The following CDH23 variants were observed in gnomAD, a reference collection of about 807,000 sequenced individuals.
CDH23 encodes the protein cadherin-23.
In CDH23, 189 loss-of-function variants were observed where a neutral mutation model predicts 317.1. The ratio of observed to expected loss-of-function variants is 0.60; its 90% CI spans 0.53 to 0.67. The LOEUF (loss-of-function observed/expected upper bound fraction) is 0.67. Ranked by LOEUF, CDH23 falls within the 30% of genes least tolerant of loss-of-function variation. The pLI, the probability that CDH23 is intolerant of heterozygous loss-of-function variation, is 0.00. For synonymous variants in CDH23, 1,839 were observed against 1,876.8 expected (o/e 0.98, Z 0.52); for missense variants, 4,401 against 4,592.4 (o/e 0.96, Z 1.20).
chr10:71,413,114 TTA>T (rs1446194581), intron 1 of CDH23, among the ~76,000 whole-genome samples: 1 of 152,242 alleles, frequency 6.6e-6, no homozygotes, highest in African/African-American at 2.4e-5. Context: ...GTTGTGGTTC[TTA>T]TGTTTAGGTC....
chr10:71,779,343 C>T lies in CDH23; in HGVS notation c.5264C>T (p.Thr1755Ile), dbSNP rs1363568596. 6.2e-7 allele frequency: 1 copy of T among 1,613,862 alleles called. No individual in the cohort carries two copies. Among genetic ancestry groups the T allele is most frequent in the African/African-American group, 1.3e-5 (1 of 74,926 alleles). ...GACTATGAGGGACCATTTGAAGTCACTGAGGGCCAGCCGGGGCCCAGAGTG... is the reference window on the plus strand; with the variant it reads ...GACTATGAGGGACCATTTGAAGTCATTGAGGGCCAGCCGGGGCCCAGAGTG... ...PRDYEGPFEV[T>I]EGQPGPRVWT... The change falls in exon 41 of 70, where the codon ACT (threonine) becomes ATT (isoleucine). Residue 1755 changes from threonine to isoleucine, a missense_variant. Thr to Ile is a moderately conservative substitution (Grantham distance 89, BLOSUM62 -1). Transcript: ENST00000224721.
At chr10:71,403,836 T>C (rs557454770) in intron 1 of CDH23, among the ~76,000 whole-genome samples, 32 of 151,212 alleles carry the variant, frequency 2.1e-4, no homozygotes, top group African/African-American at 7.7e-4. Flanking sequence ...ATGCCTGTAA[T>C]CCCAGTACTT....
In CDH23 at chr10:71,679,412, A is replaced by C. The variant is rs756958499; in HGVS notation, c.1778A>C (p.Asn593Thr). The C allele has an allele frequency of 4.1e-5, 66 of 1,613,632 alleles. No individual in the cohort carries two copies. Among genetic ancestry groups the C allele is most frequent in the Admixed American group, 8.3e-5 (5 of 59,972 alleles). The stretch of plus-strand genomic sequence containing the variant: ...GCAACAGATGAAGACTCCCCTCCCA[A>C]CAACCAGATCACCTACAGCATTGTC... ...LRATDEDSPPNNQITYSIVSA... is the reference protein window; with the variant it reads ...LRATDEDSPPTNQITYSIVSA... Residue 593 changes from asparagine (N) to threonine (T), a missense_variant, in exon 17 of 70, where the codon AAC becomes ACC. Physicochemically the swap from Asn to Thr is moderately conservative, Grantham distance 65. Transcript: ENST00000224721.
chr10:71,740,509 C>T (rs1839705853), intron 36 of CDH23, among the ~76,000 whole-genome samples: 1 of 152,214 alleles, frequency 6.6e-6, no homozygotes, highest in African/African-American at 2.4e-5. Context: ...GCTGGCACAG[C>T]CCAGAATACA....
Position 71,518,276 on chromosome 10 carries a change from C to A in CDH23, c.429+7064C>A, listed in dbSNP as rs75387557. On this transcript the variant is annotated intron_variant, in intron 6 of 69. Transcript: ENST00000224721. ...CAGATAGACCTGCAGCATGTTCCAT[C>A]CTGTGTCCTGCCTCCCAGAGGGCCC... 2.9e-3 allele frequency among the ~76,000 whole-genome samples: 442 copies of A among 152,342 alleles called. 1 individual carries two copies. The highest frequency in any genetic ancestry group is 3.2e-3 in the Non-Finnish European group (218 of 68,026).
chr10:71,598,566 C>T (rs746356870), intron 9 of CDH23, among the ~76,000 whole-genome samples: 2 of 152,182 alleles, frequency 1.3e-5, no homozygotes, highest in Admixed American at 6.5e-5. Context: ...TAACCCAGAA[C>T]AGCTGATGGG....
intron 9 of CDH23, among the ~76,000 whole-genome samples, chr10:71,594,173 A>G (rs1408739072): frequency 6.6e-6 from 1 of 152,204 alleles, no homozygotes; most frequent in East Asian, 1.9e-4. Flanking sequence ...AACTCCAGTT[A>G]AGCAAAATGT....
chr10:71,621,315 G>C (rs79702824), intron 11 of CDH23, among the ~76,000 whole-genome samples: 1,777 of 152,324 alleles, frequency 0.012, 15 homozygotes, highest in Non-Finnish European at 0.017. Flanking sequence ...CAGCAGAGCA[G>C]TCAGAACCCT....
chr10:71,603,820 A>AC (rs1860376111), intron 9 of CDH23, among the ~76,000 whole-genome samples: 2 of 152,194 alleles, frequency 1.3e-5, no homozygotes, highest in African/African-American at 4.8e-5. Context: ...ATGTCACTTC[A>AC]CCTGACAGTG....
At position 71,566,802 on chromosome 10, in the gene CDH23, G is replaced by A. The variant is rs983281489; in HGVS notation, c.490G>A (p.Gly164Arg). 1 of 1,612,990 alleles carries A rather than the reference G, an allele frequency of 6.2e-7. No individual in the cohort carries two copies. Residue 164 changes from glycine to arginine, a missense_variant, in exon 7 of 70, where the codon GGG (glycine) becomes AGG (arginine). Coordinates refer to ENST00000224721, the MANE Select transcript of CDH23 (RefSeq NM_022124.6). ...VNATDPDLGA[G>R]GSVLYSFQPP... The stretch of plus-strand genomic sequence containing the variant: ...TGCCACAGACCCCGACTTGGGGGCA[G>A]GGGGCAGCGTCCTCTACTCCTTCCA...
chr10:71,499,743 G>A (rs1853175506), intron 3 of CDH23, among the ~76,000 whole-genome samples: 1 of 152,092 alleles, frequency 6.6e-6, no homozygotes, highest in African/African-American at 2.4e-5. Flanking sequence ...GGAGGCTGAG[G>A]CAGGAGAATC....
chr10:71,615,130 C>T (rs28520499), intron 9 of CDH23, among the ~76,000 whole-genome samples: 11,425 of 152,180 alleles, frequency 0.075, 571 homozygotes, highest in Middle Eastern at 0.1. Context: ...TCCTGGCTGG[C>T]GTCCACTCCC....
At chr10:71,496,245 G>A (rs115179252) in intron 3 of CDH23, among the ~76,000 whole-genome samples, 2,594 of 152,334 alleles carry the variant, frequency 0.017, 57 homozygotes, top group African/African-American at 0.054. Flanking sequence ...AAATCAGGTT[G>A]AGATGCATGG....
chr10:71,799,133 A>C lies in CDH23; in HGVS notation c.7077A>C (p.Thr2359=), dbSNP rs191154178. Residue 2359 remains threonine, a synonymous_variant, in exon 51 of 70, where the codon ACA becomes ACC. Transcript: ENST00000224721. The part of the protein sequence containing the change: ...SSAGKVIANR[T]VDYEEVHWLN... ...TAGGGAAGGTCATTGCCAACCGGACAGTGGACTACGAGGAGGTGCACTGGC... is the reference window on the plus strand; with the variant it reads ...TAGGGAAGGTCATTGCCAACCGGACCGTGGACTACGAGGAGGTGCACTGGC... 2.2e-5 allele frequency: 36 copies of C among 1,613,970 alleles called. No individual in the cohort carries two copies. The highest frequency in any genetic ancestry group is 6.7e-5 in the Admixed American group (4 of 60,024).
intron 30 of CDH23, among the ~76,000 whole-genome samples, chr10:71,730,258 G>A (rs886173721): frequency 2.0e-5 from 3 of 152,214 alleles, no homozygotes; most frequent in East Asian, 1.9e-4. Context: ...AGTTCATTCC[G>A]AAACAAGTAA....
chr10:71,587,415 A>G (rs1859154382), intron 9 of CDH23, among the ~76,000 whole-genome samples: 1 of 152,228 alleles, frequency 6.6e-6, no homozygotes, highest in Admixed American at 6.5e-5. Context: ...GCTCCATGCT[A>G]GACCCTGGGG....
chr10:71,803,369 C>T lies in CDH23; in HGVS notation c.7821C>T (p.Asn2607=), dbSNP rs769381238. The change falls in exon 55 of 70, where the codon AAC becomes AAT. Residue 2607 remains asparagine, a synonymous_variant. Transcript: ENST00000224721. The part of the protein sequence containing the change: ...LLVEVIDVND[N]RPVFVRPPNG... ...TGGAGGTCATCGACGTCAATGACAA[C>T]CGCCCTGTCTTTGTGCGCCCACCCA... 1.2e-6 allele frequency: 2 copies of T among 1,600,630 alleles called. No homozygotes were observed. Among genetic ancestry groups the T allele is most frequent in the South Asian group, 2.3e-5 (2 of 88,364 alleles).
chr10:71,785,230 A>G, intron 43 of CDH23, 130 bp downstream of exon 43: 1 of 694,832 alleles, frequency 1.4e-6, no homozygotes, highest in East Asian at 2.7e-5. Context: ...GGATGAGGAC[A>G]CCTCTGTGGG....
At chr10:71,414,756 G>C (rs1237849951) in intron 1 of CDH23, among the ~76,000 whole-genome samples, 1 of 152,124 alleles carries the variant, frequency 6.6e-6, no homozygotes, top group Non-Finnish European at 1.5e-5. Flanking sequence ...TTTTCTGGAG[G>C]AGTGTGGATA....
Sources: gnomAD v4.1 joint callset for allele counts (sites outside exome capture counted in the v4.1 genomes callset) on GRCh38, gnomAD v4.1.1 for gene constraint, MANE v1.5 for transcripts, NCBI Gene and HGNC (gene_info 2026-07-23, HGNC 2026-07-21) for gene names.